The following CLVS1 variants were observed in gnomAD, a reference collection of about 807,000 sequenced individuals.
The protein encoded by CLVS1 is clavesin 1.
A neutral mutation model predicts 33.1 loss-of-function variants in CLVS1; 10 were observed. The ratio of observed to expected loss-of-function variants is 0.30; its 90% CI spans 0.19 to 0.51. The LOEUF (loss-of-function observed/expected upper bound fraction) is 0.51. Among genes scored for constraint, CLVS1 ranks in the 20% least tolerant of loss-of-function variants. CLVS1 has a pLI of 0.97. For synonymous variants in CLVS1, 163 were observed against 166.1 expected, an observed-to-expected ratio of 0.98 and a Z score of 0.14; for missense variants, 343 against 433.4, an observed-to-expected ratio of 0.79 and a Z score of 1.85.
rs142634515 is a variant in CLVS1 at position 61,059,505 on chromosome 8, T to C, written c.-243+2275T>C. 9.1e-3 allele frequency among the ~76,000 whole-genome samples: 1,272 copies of C among 139,070 alleles called. 82 individuals are homozygous for C. The East Asian group carries it at 0.14, about 16-fold the overall frequency. The allele number at this position is 139,070 out of a possible 152,430, so 91.2% of individuals were successfully genotyped here. A position where few individuals can be genotyped will look rare whatever the true frequency, so the allele number is the denominator to read the frequency against. On this transcript the variant is annotated intron_variant, in intron 1 of 2. Transcript: ENST00000522621. ...ATATATATATATATATATATACACA[T>C]ATCTTGAAAATAGCACGAGGCTTGT...
intron 1 of CLVS1, among the ~76,000 whole-genome samples, chr8:61,069,208 T>G (rs569915223): frequency 6.6e-6 from 1 of 152,284 alleles, no homozygotes; most frequent in Non-Finnish European, 1.5e-5. Flanking sequence ...CCTCAAGTGA[T>G]CCACCTGCCT....
At chr8:61,316,259 A>T (rs1811004763) in intron 2 of CLVS1, among the ~76,000 whole-genome samples, 1 of 152,166 alleles carries the variant, frequency 6.6e-6, no homozygotes, top group Non-Finnish European at 1.5e-5. Context: ...CAACCCAAAC[A>T]CCTGGTTTAT....
intron 2 of CLVS1, among the ~76,000 whole-genome samples, chr8:61,177,677 G>A (rs61335831): frequency 0.056 from 8,557 of 152,030 alleles, 287 homozygotes; most frequent in African/African-American, 0.079. Context: ...GACATCTCCA[G>A]GCATGGGAGT....
intron 1 of CLVS1, among the ~76,000 whole-genome samples, chr8:61,123,787 GC>G (rs1368293404): frequency 6.6e-6 from 1 of 152,146 alleles, no homozygotes; most frequent in East Asian, 1.9e-4. Context: ...AGCCAGGCTG[GC>G]ATTGGCTTCC....
chr8:61,261,165 C>G (rs752020108), intron 2 of CLVS1, among the ~76,000 whole-genome samples: 1 of 152,108 alleles, frequency 6.6e-6, no homozygotes, highest in African/African-American at 2.4e-5. Context: ...ATACTGCTTC[C>G]CATAAGTGGC....
At chr8:61,293,776 G>A (rs1186781512) in intron 1 of CLVS1, among the ~76,000 whole-genome samples, 1 of 152,048 alleles carries the variant, frequency 6.6e-6, no homozygotes, top group Non-Finnish European at 1.5e-5. Context: ...ACATACCAAT[G>A]GATGAGTTAG....
rs184047877 is a variant in CLVS1 at position 61,312,683 on chromosome 8, G to C, written c.455+12401G>C. Among the ~76,000 whole-genome samples the C allele has an allele frequency of 1.3e-3, 204 of 152,294 alleles. 2 individuals are homozygous for C. The highest frequency in any genetic ancestry group is 9.9e-3 in the South Asian group (48 of 4,826). On this transcript the variant is annotated intron_variant, in intron 2 of 5. Coordinates refer to ENST00000325897, the MANE Select transcript of CLVS1 (RefSeq NM_173519.3). The stretch of plus-strand genomic sequence containing the variant: ...TCCCAGGCATTGAGCACCTCCCTGA[G>C]CATGTGGTTTCATTTAATCCTCAGG...
chr8:61,257,614 T>A (rs903934994), intron 2 of CLVS1, among the ~76,000 whole-genome samples: 1 of 152,168 alleles, frequency 6.6e-6, no homozygotes, highest in Non-Finnish European at 1.5e-5. Flanking sequence ...ACAGTGGGCT[T>A]ACTGAGTATT....
At chr8:61,084,775 A>G (rs1369045444) in intron 1 of CLVS1, among the ~76,000 whole-genome samples, 1 of 152,240 alleles carries the variant, frequency 6.6e-6, no homozygotes. Flanking sequence ...AGAAATCCCA[A>G]TACTGATCTA....
intron 5 of CLVS1, among the ~76,000 whole-genome samples, chr8:61,498,998 G>A (rs1450256242): frequency 6.6e-6 from 1 of 152,070 alleles, no homozygotes; most frequent in African/African-American, 2.4e-5. Flanking sequence ...TTAGATGCTG[G>A]GGCAGAGTGT....
At chr8:61,167,346 T>A (rs1300408547) in intron 2 of CLVS1, among the ~76,000 whole-genome samples, 1 of 151,834 alleles carries the variant, frequency 6.6e-6, no homozygotes, top group East Asian at 1.9e-4. Context: ...GCTCGGATAA[T>A]TTTTTTTATA....
the CLVS1 span, among the ~76,000 whole-genome samples, chr8:60,995,574 CTAGT>C: frequency 4.6e-5 from 7 of 152,228 alleles, no homozygotes; most frequent in Admixed American, 4.6e-4. Context: ...GGACTGTCAA[CTAGT>C]TCAACCATTG....
At chr8:61,444,610 A>G (rs1816685583) in intron 3 of CLVS1, among the ~76,000 whole-genome samples, 1 of 152,192 alleles carries the variant, frequency 6.6e-6, no homozygotes, top group African/African-American at 2.4e-5. Context: ...TAAGTTTGTT[A>G]CACTCACAGA....
chr8:61,479,711 G>C (rs192174718), intron 5 of CLVS1, among the ~76,000 whole-genome samples: 1 of 152,200 alleles, frequency 6.6e-6, no homozygotes, highest in East Asian at 1.9e-4. Context: ...CATCTTTGTG[G>C]TTTTATCTAC....
chr8:60,966,571 A>T, the CLVS1 span: 1 of 277,820 alleles, frequency 3.6e-6, no homozygotes, highest in Non-Finnish European at 7.4e-6. Context: ...TAAACATAGT[A>T]AAGATGTCCT....
At chr8:61,054,709 G>C (rs568880431), upstream of CLVS1, among the ~76,000 whole-genome samples, 34 of 152,172 alleles carry the variant, frequency 2.2e-4, no homozygotes, top group South Asian at 6.5e-3. Flanking sequence ...TATTCTTTGG[G>C]TCCACGTGCA....
At chr8:61,140,543 A>C (rs186974591) in intron 2 of CLVS1, among the ~76,000 whole-genome samples, 19 of 152,060 alleles carry the variant, frequency 1.2e-4, no homozygotes, top group Admixed American at 9.8e-4. Context: ...TAATTTTTTT[A>C]TTATTTTATT....
chr8:61,385,074 T>C (rs1814027522), intron 3 of CLVS1, among the ~76,000 whole-genome samples: 1 of 152,024 alleles, frequency 6.6e-6, no homozygotes, highest in African/African-American at 2.4e-5. Flanking sequence ...GGTGGGGGCA[T>C]AGAGGAAACC....
intron 2 of CLVS1, among the ~76,000 whole-genome samples, chr8:61,174,771 G>A (rs532539401): frequency 4.0e-5 from 5 of 124,614 alleles, no homozygotes; most frequent in Non-Finnish European, 8.8e-5. Flanking sequence ...TAATTGGAAA[G>A]ACTGAACCCT....
Sources: allele counts gnomAD v4.1 joint callset (sites outside exome capture counted in the v4.1 genomes callset), GRCh38; gene constraint gnomAD v4.1.1; transcripts MANE v1.5; gene names NCBI Gene and HGNC (gene_info 2026-07-23, HGNC 2026-07-21).